Variants in SCHIP1 observed in about 807,000 individuals in gnomAD.
SCHIP1 encodes the protein schwannomin-interacting protein 1.
SCHIP1 carries 8 observed loss-of-function variants against 29.7 expected under a neutral mutation model. The observed-to-expected ratio is 0.27, with a 90% CI of 0.16 to 0.49. The LOEUF (loss-of-function observed/expected upper bound fraction) is 0.49. SCHIP1 is among the 20% of genes least tolerant of loss of function. The probability of loss-of-function intolerance (pLI) is 0.99; values close to 1 mark genes in which losing one functional copy is unlikely to be tolerated. For missense variants in SCHIP1, 193 were observed against 294.6 expected (o/e 0.66, Z 2.52); for synonymous variants, 76 against 94.9 (o/e 0.80, Z 1.16).
At chr3:159,857,246 G>A (rs923890773) in intron 1 of SCHIP1, among the ~76,000 whole-genome samples, 13 of 152,098 alleles carry the variant, frequency 8.5e-5, no homozygotes, top group Non-Finnish European at 1.3e-4. Context: ...TAGAATTTCC[G>A]GTGAAATGCA....
At chr3:159,415,807 AC>A in the SCHIP1 span, among the ~76,000 whole-genome samples, 6 of 152,272 alleles carry the variant, frequency 3.9e-5, 1 homozygote, top group South Asian at 1.2e-3. Context: ...ATATTACTAA[AC>A]CCCTAGTACA....
At chr3:159,812,445 T>G in the SCHIP1 span, among the ~76,000 whole-genome samples, 1 of 152,186 alleles carries the variant, frequency 6.6e-6, no homozygotes, top group Non-Finnish European at 1.5e-5. Context: ...TAAATGATAT[T>G]TCTATGTTAA....
At chr3:159,857,592 A>G (rs951912562) in intron 1 of SCHIP1, among the ~76,000 whole-genome samples, 2 of 152,068 alleles carry the variant, frequency 1.3e-5, no homozygotes, top group African/African-American at 4.8e-5. Context: ...GTCACTCCCA[A>G]ATCCTTTCTT....
At chr3:159,877,377 A>G (rs78741847) in intron 2 of SCHIP1, among the ~76,000 whole-genome samples, 1,668 of 152,300 alleles carry the variant, frequency 0.011, 34 homozygotes, top group African/African-American at 0.038. Flanking sequence ...AGACTGCAAA[A>G]TGTAAATAAC....
At chr3:159,586,444 C>G in the SCHIP1 span, among the ~76,000 whole-genome samples, 39 of 152,270 alleles carry the variant, frequency 2.6e-4, no homozygotes, top group African/African-American at 8.7e-4. Context: ...AGAAAGAATG[C>G]AAATTGCCTT....
the SCHIP1 span, chr3:159,764,510 G>A: frequency 4.4e-6 from 7 of 1,586,912 alleles, no homozygotes; most frequent in African/African-American, 9.4e-5. The surrounding 1 kb of genome is among the most constrained non-coding windows in gnomAD (Gnocchi z 6.1). Context: ...AGCCGCGCCA[G>A]TTCACAGTCC....
the SCHIP1 span, among the ~76,000 whole-genome samples, chr3:159,500,095 G>A: frequency 6.6e-6 from 1 of 151,918 alleles, no homozygotes; most frequent in Non-Finnish European, 1.5e-5. Context: ...TTTCAGTCTG[G>A]GCTATTTCCA....
the SCHIP1 span, among the ~76,000 whole-genome samples, chr3:159,629,576 T>G: frequency 0.012 from 1,869 of 152,248 alleles, 41 homozygotes; most frequent in African/African-American, 0.042. Context: ...AGTGACTTGT[T>G]GCAGGACAAC....
the SCHIP1 span, among the ~76,000 whole-genome samples, chr3:159,526,173 A>G: frequency 1.3e-5 from 2 of 152,228 alleles, no homozygotes; most frequent in South Asian, 4.2e-4. Context: ...CTCAAATGAC[A>G]CAACCTTTTA....
At chr3:159,426,643 C>G in the SCHIP1 span, among the ~76,000 whole-genome samples, 1 of 152,064 alleles carries the variant, frequency 6.6e-6, no homozygotes, top group African/African-American at 2.4e-5. Context: ...GAAACTATTC[C>G]AATCAATAGA....
chr3:159,513,884 A>G, the SCHIP1 span, among the ~76,000 whole-genome samples: 1 of 152,174 alleles, frequency 6.6e-6, no homozygotes, highest in East Asian at 1.9e-4. Flanking sequence ...CCTTGCCACT[A>G]GTGCAATGTT....
At chr3:159,712,854 G>A in the SCHIP1 span, among the ~76,000 whole-genome samples, 36 of 149,180 alleles carry the variant, frequency 2.4e-4, no homozygotes, top group Admixed American at 4.7e-4. Flanking sequence ...GAAAGAGAGA[G>A]AGAAAGAGAG....
the SCHIP1 span, among the ~76,000 whole-genome samples, chr3:159,381,086 T>G: frequency 6.6e-6 from 1 of 152,206 alleles, no homozygotes; most frequent in African/African-American, 2.4e-5. Flanking sequence ...CTACAGTTTG[T>G]TTATGAGTGC....
the SCHIP1 span, among the ~76,000 whole-genome samples, chr3:159,431,342 G>C: frequency 1.3e-5 from 2 of 151,488 alleles, no homozygotes; most frequent in Non-Finnish European, 2.9e-5. Context: ...AGGGAGTAGA[G>C]GTAGCTGAGA....
the SCHIP1 span, among the ~76,000 whole-genome samples, chr3:159,707,458 A>G: frequency 6.6e-6 from 1 of 152,222 alleles, no homozygotes; most frequent in African/African-American, 2.4e-5. Context: ...AGCCCAAGCC[A>G]ATGTGTAGTG....
chr3:159,485,612 G>C, the SCHIP1 span, among the ~76,000 whole-genome samples: 1 of 152,274 alleles, frequency 6.6e-6, no homozygotes, highest in East Asian at 1.9e-4. Context: ...TGTTGAAAGA[G>C]CATGGACTTT....
the SCHIP1 span, among the ~76,000 whole-genome samples, chr3:159,569,381 T>C: frequency 2.0e-5 from 3 of 152,214 alleles, no homozygotes; most frequent in African/African-American, 7.2e-5. Context: ...AGTGATCTCA[T>C]TATTCAATTC....
the SCHIP1 span, among the ~76,000 whole-genome samples, chr3:159,683,217 A>G: frequency 1.3e-5 from 2 of 151,976 alleles, no homozygotes; most frequent in Non-Finnish European, 2.9e-5. Context: ...GGCCCGACTC[A>G]TTTTTATATT....
At chr3:159,289,148 C>T in the SCHIP1 span, among the ~76,000 whole-genome samples, 2 of 152,246 alleles carry the variant, frequency 1.3e-5, no homozygotes, top group Non-Finnish European at 2.9e-5. Context: ...TCATCTCTCA[C>T]CTTCATCACT....
Sources: gnomAD v4.1 joint callset for allele counts (sites outside exome capture counted in the v4.1 genomes callset) on GRCh38, gnomAD v4.1.1 for gene constraint, Gnocchi (gnomAD v3.1) non-coding constraint, MANE v1.5 for transcripts, NCBI Gene and HGNC (gene_info 2026-07-23, HGNC 2026-07-21) for gene names.